CNBD1: variants seen among roughly 807,000 people sequenced by gnomAD.
CNBD1 encodes cyclic nucleotide binding domain containing 1, also known as cyclic nucleotide-binding domain-containing protein 1.
CNBD1 carries 71 observed loss-of-function variants against 54.4 expected under a neutral mutation model. The observed-to-expected ratio is 1.30, with a 90% CI of 1.08 to 1.59. The LOEUF is 1.59. Ranked by LOEUF, CNBD1 falls within the 40% of genes most tolerant of loss-of-function variation. The pLI, the probability that CNBD1 is intolerant of heterozygous loss-of-function variation, is 0.00. For missense variants in CNBD1, 659 were observed against 518.0 expected (o/e 1.27, Z -2.64); for synonymous variants, 182 against 170.7 (o/e 1.07, Z -0.51).
chr8:86,922,619 A>G (rs1311508470), intron 3 of CNBD1, among the ~76,000 whole-genome samples: 1 of 152,164 alleles, frequency 6.6e-6, no homozygotes, highest in Admixed American at 6.6e-5. Context: ...TGCTTGCAGT[A>G]AAGTGGAAAG....
chr8:87,326,912 G>GT (rs1809681474), intron 8 of CNBD1, among the ~76,000 whole-genome samples: 1 of 85,288 alleles, frequency 1.2e-5, no homozygotes, highest in Non-Finnish European at 2.4e-5. Context: ...TTTCTGTTCT[G>GT]TTTTTTCCCC....
intron 8 of CNBD1, among the ~76,000 whole-genome samples, chr8:87,312,306 G>A (rs780260594): frequency 8.6e-5 from 13 of 152,046 alleles, no homozygotes; most frequent in Non-Finnish European, 1.5e-4. Flanking sequence ...TAACAATTGT[G>A]TGTGAGTTAC....
chr8:87,414,332 T>A (rs896331783), intron 2 of CNBD1, among the ~76,000 whole-genome samples: 7 of 151,838 alleles, frequency 4.6e-5, no homozygotes, highest in Non-Finnish European at 7.4e-5. Flanking sequence ...TGAGAACCCA[T>A]GGACACAGGA....
intron 10 of CNBD1, among the ~76,000 whole-genome samples, chr8:87,357,008 T>A (rs961254570): frequency 5.9e-5 from 9 of 152,198 alleles, no homozygotes; most frequent in Non-Finnish European, 1.3e-4. Flanking sequence ...CATGGGCTAC[T>A]GCTCCAGAGA....
chr8:87,228,408 G>A (rs1328421790), intron 5 of CNBD1, among the ~76,000 whole-genome samples: 1 of 148,966 alleles, frequency 6.7e-6, no homozygotes, highest in Non-Finnish European at 1.5e-5. Flanking sequence ...GTGATGTACA[G>A]ATGGGTTTTT....
chr8:87,072,461 C>T (rs932402576), intron 4 of CNBD1, among the ~76,000 whole-genome samples: 2 of 152,112 alleles, frequency 1.3e-5, no homozygotes, highest in African/African-American at 2.4e-5. Context: ...TTCCTTTCCA[C>T]TTTTAGTGCT....
chr8:87,158,907 A>G (rs927704060), intron 4 of CNBD1, among the ~76,000 whole-genome samples: 6 of 152,182 alleles, frequency 3.9e-5, no homozygotes, highest in Admixed American at 3.3e-4. Flanking sequence ...AGAAAATAAC[A>G]TATCTCATTT....
At chr8:87,041,724 G>A (rs1036683122) in intron 4 of CNBD1, among the ~76,000 whole-genome samples, 8 of 150,558 alleles carry the variant, frequency 5.3e-5, no homozygotes, top group Non-Finnish European at 1.0e-4. Context: ...GCGTGAACCT[G>A]GGAGGCGGAG....
intron 4 of CNBD1, among the ~76,000 whole-genome samples, chr8:87,097,020 C>G (rs150143873): frequency 6.6e-6 from 1 of 152,006 alleles, no homozygotes; most frequent in Non-Finnish European, 1.5e-5. Context: ...GCTTTCTCTT[C>G]GTTTGACATT....
chr8:86,955,969 A>G (rs1429702049), intron 4 of CNBD1, among the ~76,000 whole-genome samples: 1 of 152,196 alleles, frequency 6.6e-6, no homozygotes, highest in Admixed American at 6.5e-5. Context: ...TTTAGGTCTA[A>G]CATGTAAGTC....
chr8:87,418,520 A>G (rs772859579), intron 2 of CNBD1, among the ~76,000 whole-genome samples: 1 of 151,968 alleles, frequency 6.6e-6, no homozygotes, highest in Middle Eastern at 3.2e-3. Flanking sequence ...TGGACTTTAT[A>G]CAAATTAAAA....
chr8:86,889,574 T>C (rs1298823036), intron 2 of CNBD1, among the ~76,000 whole-genome samples: 1 of 152,138 alleles, frequency 6.6e-6, no homozygotes, highest in African/African-American at 2.4e-5. Context: ...GGCATTAGTT[T>C]TGATTCTAAA....
chr8:87,011,997 AAC>A (rs202095643), intron 4 of CNBD1, among the ~76,000 whole-genome samples: 2,503 of 152,304 alleles, frequency 0.016, 44 homozygotes, highest in Middle Eastern at 0.085. Flanking sequence ...TTTTATACAA[AAC>A]ACAGAAAATC....
chr8:87,178,606 C>A (rs892104538), intron 4 of CNBD1, among the ~76,000 whole-genome samples: 1 of 152,148 alleles, frequency 6.6e-6, no homozygotes, highest in East Asian at 1.9e-4. Flanking sequence ...TAGCGACAAA[C>A]CTGACTTCCA....
rs201768578 is a variant in CNBD1, at chr8:87,391,777, GT to G, written c.214-36768del. Among the ~76,000 whole-genome samples the G allele has an allele frequency of 8.9e-3, 1,353 of 152,060 alleles. 15 individuals carry two copies. The highest frequency in any genetic ancestry group is 0.03 in the African/African-American group (1,258 of 41,508). On this transcript the variant is annotated intron_variant, in intron 2 of 7. Transcript: ENST00000521593. The stretch of plus-strand genomic sequence containing the variant: ...TAGAAGTAAATCTTTGTGACCTTGG[GT>G]AAAGCGAACCCTTTTCAGACACAAA...
rs370498124 is a variant in CNBD1, at chr8:87,320,509, G to A, written c.1043-31176G>A. Among the ~76,000 whole-genome samples, 864 of 151,840 alleles carry A rather than the reference G, an allele frequency of 5.7e-3. 6 individuals carry two copies. The highest frequency in any genetic ancestry group is 0.016 in the South Asian group (76 of 4,824). On this transcript the variant is annotated intron_variant, in intron 8 of 10. Coordinates refer to ENST00000518476, the MANE Select transcript of CNBD1 (RefSeq NM_173538.3). ...ACAGAGGCAAATTATTTTGCCACGA[G>A]TTAAAATTATGTGCCACCTCCCTTA...
intron 2 of CNBD1, among the ~76,000 whole-genome samples, chr8:87,405,622 A>C (rs72668650): frequency 0.055 from 8,293 of 152,164 alleles, 303 homozygotes; most frequent in Non-Finnish European, 0.076. Context: ...TACAAGGGTG[A>C]TGGTCTGCAA....
At chr8:87,135,599 CAT>C (rs1812211118) in intron 4 of CNBD1, among the ~76,000 whole-genome samples, 1 of 147,216 alleles carries the variant, frequency 6.8e-6, no homozygotes, top group African/African-American at 2.5e-5. Flanking sequence ...TATATAAACA[CAT>C]ATATTCTATA....
chr8:87,293,144 T>C (rs570881131), intron 8 of CNBD1, among the ~76,000 whole-genome samples: 1 of 152,216 alleles, frequency 6.6e-6, no homozygotes, highest in Non-Finnish European at 1.5e-5. Flanking sequence ...AATAAATTTT[T>C]TTCATAAGAA....
Sources: allele counts gnomAD v4.1 joint callset (sites outside exome capture counted in the v4.1 genomes callset), GRCh38; gene constraint gnomAD v4.1.1; transcripts MANE v1.5; gene names NCBI Gene and HGNC (gene_info 2026-07-23, HGNC 2026-07-21).